The following TTN variants were observed in gnomAD, a reference collection of about 807,000 sequenced individuals.
The protein encoded by TTN is titin.
TTN carries 1,525 observed loss-of-function variants against 3,223.0 expected under a neutral mutation model. That is an observed-to-expected ratio of 0.47 (90% CI 0.45 to 0.49). TTN has a LOEUF of 0.49. TTN is among the 20% of genes least tolerant of loss of function. The pLI is 0.00. For missense variants in TTN, 40,786 were observed against 43,424.0 expected, an observed-to-expected ratio of 0.94 and a Z score of 5.40; for synonymous variants, 14,094 against 15,161.0, an observed-to-expected ratio of 0.93 and a Z score of 5.17.
rs746546471 is a variant in TTN, at chr2:178,562,822, A to AG, written c.83309dup (p.Val27771CysfsTer23). On this transcript the variant is annotated frameshift_variant, in exon 326 of 363. Transcript: ENST00000589042. LOFTEE classifies it high-confidence loss of function. Reference sequence around the variant, plus strand: ...TCACTTCTCTTATGGTCAAATTCACAGGGGCACTTGGTGAGTCAAGAACTC... The same window carrying AG: ...TCACTTCTCTTATGGTCAAATTCACAGGGGGCACTTGGTGAGTCAAGAACTC... 1 of 1,612,988 alleles carries AG rather than the reference A, an allele frequency of 6.2e-7. No homozygotes were observed. The highest frequency in any genetic ancestry group is 1.7e-5 in the Admixed American group (1 of 59,896).
chr2:178,800,876 A>T (rs778535399), intron 3 of TTN, among the ~76,000 whole-genome samples, 194 bp from the exon 4 acceptor site: 1 of 152,208 alleles, frequency 6.6e-6, no homozygotes, highest in Non-Finnish European at 1.5e-5. Context: ...AGGCTTTCTC[A>T]CCACCATATT....
chr2:178,531,750 A>G lies in TTN; in HGVS notation c.104865T>C (p.Cys34955=). 2 of 1,613,978 alleles carry G rather than the reference A, an allele frequency of 1.2e-6. No homozygotes were observed. Among genetic ancestry groups the G allele is most frequent in the Non-Finnish European group, 1.7e-6 (2 of 1,179,870 alleles). The change falls in exon 358 of 363, where the codon TGT becomes TGC. Residue 34955 remains cysteine, a synonymous_variant. Coordinates refer to ENST00000589042, the MANE Select transcript of TTN (RefSeq NM_001267550.2). Reference sequence around the variant, plus strand: ...TTAAAATAAAACGTGTATTTTGGCCACATGGTACCCTGTGCGAGCGCATTC... The same window carrying G: ...TTAAAATAAAACGTGTATTTTGGCCGCATGGTACCCTGTGCGAGCGCATTC... ...TLRMRSHRVP[C]GQNTRFILNV... is the part of the protein sequence containing the mutation.
In TTN at chr2:178,769,682, T is replaced by C. The variant is rs1287851348; in HGVS notation, c.8899A>G (p.Thr2967Ala). The C allele has an allele frequency of 6.2e-7, 1 of 1,612,856 alleles. No individual in the cohort carries two copies. The highest frequency in any genetic ancestry group is 8.5e-7 in the Non-Finnish European group (1 of 1,179,370). ...ATATATATATTTTTTAACTTACGGG[T>C]GACTGTCAGGGTGGCACTGACTTGG... Reference protein sequence around the residue: ...NDQVSATLTVTPIMITSMLKD... With the variant: ...NDQVSATLTVAPIMITSMLKD... Residue 2967 changes from threonine (T) to alanine (A), a missense_variant, in exon 37 of 363, where the codon ACC becomes GCC. Thr to Ala is a moderately conservative substitution (Grantham distance 58). Transcript: ENST00000589042.
Position 178,535,697 on chromosome 2 carries a change from C to T in TTN, c.100918G>A (p.Gly33640Ser). 6.2e-7 allele frequency: 1 copy of T among 1,613,664 alleles called. No homozygotes were observed. Among genetic ancestry groups the T allele is most frequent in the African/African-American group, 1.3e-5 (1 of 74,966 alleles). ...QKGQDLIDNN[G>S]HYQVIVTRSF... ...CTTGTGACAATAACTTGGTAGTGGC[C>T]ATTATTGTCAATGAGATCTTGTCCT... is the stretch of plus-strand genomic sequence containing the variant. Residue 33640 changes from glycine (G) to serine (S), a missense_variant, in exon 358 of 363, where the codon GGC becomes AGC. By Grantham distance (56) the Gly-to-Ser change is moderately conservative. Coordinates refer to ENST00000589042, the MANE Select transcript of TTN (RefSeq NM_001267550.2).
intron 239 of TTN, 89 bp downstream of exon 239, chr2:178,630,148 TCTAA>T (rs2059620169): frequency 5.2e-6 from 8 of 1,551,882 alleles, no homozygotes; most frequent in Non-Finnish European, 6.2e-6. Context: ...AATAATATTT[TCTAA>T]CTAATAAAAT....
Position 178,574,814 on chromosome 2 carries a change from G to A in TTN, c.71318C>T (p.Thr23773Ile), listed in dbSNP as rs775492043. The A allele has an allele frequency of 1.2e-6, 2 of 1,612,556 alleles. No individual in the cohort carries two copies. The highest frequency in any genetic ancestry group is 1.7e-6 in the Non-Finnish European group (2 of 1,179,274). Residue 23773 changes from threonine to isoleucine, a missense_variant, in exon 326 of 363, where the codon ACC (threonine) becomes ATC (isoleucine). Physicochemically the swap from Thr to Ile is moderately conservative, Grantham distance 89. Coordinates refer to ENST00000589042, the MANE Select transcript of TTN (RefSeq NM_001267550.2). ...VVEMRQTDST[T>I]WVELATTVIR... is the part of the protein sequence containing the mutation. The stretch of plus-strand genomic sequence containing the variant: ...AACGGTGGTTGCTAACTCAACCCAG[G>A]TAGTACTGTCAGTCTGCCGCATTTC...
Position 178,718,711 on chromosome 2 carries a change from T to C in TTN, c.24489A>G (p.Thr8163=), listed in dbSNP as rs764738052. 6.2e-7 allele frequency: 1 copy of C among 1,613,576 alleles called. No homozygotes were observed. The highest frequency in any genetic ancestry group is 1.7e-5 in the Admixed American group (1 of 59,994). Residue 8163 remains threonine, a synonymous_variant, in exon 84 of 363, where the codon ACA becomes ACG. Coordinates refer to ENST00000589042, the MANE Select transcript of TTN (RefSeq NM_001267550.2). ...AGAGCAAACCTTTCACAAAAAGATG[T>C]GTGGTACAGGAAGCACTGCCAGCAT... ...TNDAGSASCT[T]HLFVKEPATF...
chr2:178,559,370 C>G lies in TTN; in HGVS notation c.86762G>C (p.Gly28921Ala). Residue 28921 changes from glycine to alanine, a missense_variant, in exon 326 of 363, where the codon GGA becomes GCA. By Grantham distance (60) the Gly-to-Ala change is moderately conservative. Coordinates refer to ENST00000589042, the MANE Select transcript of TTN (RefSeq NM_001267550.2). The stretch of plus-strand genomic sequence containing the variant: ...TATACCAACACCAAACTCATTTTCT[C>G]CAGAGACTCTGAAGTAATAGATAGC... ...EGAIYYFRVS[G>A]ENEFGVGIPA... is the part of the protein sequence containing the mutation. The G allele has an allele frequency of 6.2e-7, 1 of 1,613,212 alleles. No homozygotes were observed. Among genetic ancestry groups the G allele is most frequent in the Non-Finnish European group, 8.5e-7 (1 of 1,179,410 alleles).
intron 92 of TTN, 59 bp downstream of exon 92, chr2:178,713,838 T>C (rs2077063793): frequency 6.4e-7 from 1 of 1,573,178 alleles, no homozygotes; most frequent in Non-Finnish European, 8.6e-7. Context: ...TATACATTTA[T>C]GAAAATCAGG....
In TTN at chr2:178,608,830, A is replaced by G. The variant is rs727503616; in HGVS notation, c.52181T>C (p.Leu17394Pro). 1.2e-6 allele frequency: 2 copies of G among 1,612,350 alleles called. No homozygotes were observed. Among genetic ancestry groups the G allele is most frequent in the African/African-American group, 2.7e-5 (2 of 74,824 alleles). ...TATGATTTCACTGCCACCATCATCA[A>G]GGGGTGGTTCCCATTTACAAAGGAC... ...TSVLCKWEPP[L>P]DDGGSEIINY... Residue 17394 changes from leucine (L) to proline (P), a missense_variant, in exon 274 of 363, where the codon CTT (leucine) becomes CCT (proline). By Grantham distance (98) the Leu-to-Pro change is moderately conservative. Coordinates refer to ENST00000589042, the MANE Select transcript of TTN (RefSeq NM_001267550.2).
intron 40 of TTN, 61 bp downstream of exon 40, chr2:178,767,698 A>G: frequency 6.3e-7 from 1 of 1,596,204 alleles, no homozygotes; most frequent in Non-Finnish European, 8.5e-7. Flanking sequence ...ACATTAAAAT[A>G]TAAAATGATA....
chr2:178,800,410 C>G lies in TTN; in HGVS notation c.568G>C (p.Glu190Gln). 1 of 1,614,134 alleles carries G rather than the reference C, an allele frequency of 6.2e-7. No homozygotes were observed. Among genetic ancestry groups the G allele is most frequent in the South Asian group, 1.1e-5 (1 of 91,068 alleles). ...CAGCACGTACCTTGAACCAGTAATT[C>G]AGCAGTCGAAGTAGCTCTTCCAACG... Reference protein sequence around the residue: ...NSVGRATSTAELLVQGEEEVP... With the variant: ...NSVGRATSTAQLLVQGEEEVP... The change falls in exon 4 of 363, where the codon GAA becomes CAA. Residue 190 changes from glutamate (E) to glutamine (Q), a missense_variant. Coordinates refer to ENST00000589042, the MANE Select transcript of TTN (RefSeq NM_001267550.2).
intron 90 of TTN, 33 bp downstream of exon 90, chr2:178,714,953 G>A (rs2077247342): frequency 6.3e-7 from 1 of 1,576,786 alleles, no homozygotes; most frequent in Non-Finnish European, 8.6e-7. Flanking sequence ...TAGAAGGGAA[G>A]TAGTGAGCAG....
In TTN at chr2:178,604,326, A is replaced by G. The variant is rs759168784; in HGVS notation, c.54382-21T>C. 2.8e-6 allele frequency: 4 copies of G among 1,428,882 alleles called. No individual in the cohort carries two copies. In the Admixed American group the frequency reaches 1.0e-4, roughly 36 times the overall value. 88.5% of individuals were successfully genotyped at this position (1,428,882 alleles called of 1,614,324 possible). A position where few individuals can be genotyped will look rare whatever the true frequency, so the allele number is the denominator to read the frequency against. ...CAGATCTAGAAATTAGAAAAACAGA[A>G]ATTTATTGAAGAGAATATACTTATG... On this transcript the variant is annotated intron_variant, in intron 281 of 362. Transcript: ENST00000589042.
intron 249 of TTN, 45 bp downstream of exon 249, chr2:178,619,943 T>TA (rs1255325202): frequency 1.3e-6 from 2 of 1,594,680 alleles, no homozygotes; most frequent in Non-Finnish European, 1.7e-6. Flanking sequence ...TTAACAATTT[T>TA]AAAAAATTGG....
At chr2:178,788,732 G>A (rs376974177) in intron 13 of TTN, among the ~76,000 whole-genome samples, 1 of 151,936 alleles carries the variant, frequency 6.6e-6, no homozygotes, top group East Asian at 1.9e-4. Flanking sequence ...AAATAGATAC[G>A]GTAATCTTTT....
In TTN at chr2:178,602,371, T is replaced by C; in HGVS notation, c.55031A>G (p.Lys18344Arg). Reference sequence around the variant, plus strand: ...GACAGCTTTCACTCTGAATCTGTACTTCCTGAGCTCTTTCAGATTAGGCAC... The same window carrying C: ...GACAGCTTTCACTCTGAATCTGTACCTCCTGAGCTCTTTCAGATTAGGCAC... ...CVVPNLKELR[K>R]YRFRVKAVNE... Residue 18344 changes from lysine to arginine, a missense_variant, in exon 283 of 363, where the codon AAG becomes AGG. Lys to Arg is a conservative substitution (Grantham distance 26). Coordinates refer to ENST00000589042, the MANE Select transcript of TTN (RefSeq NM_001267550.2). 6.2e-7 allele frequency: 1 copy of C among 1,612,908 alleles called. No homozygotes were observed. The highest frequency in any genetic ancestry group is 8.5e-7 in the Non-Finnish European group (1 of 1,179,312).
rs72647871 is a variant in TTN at position 178,780,237 on chromosome 2, T to C, written c.3524-32A>G. 3.4e-3 allele frequency: 5,352 copies of C among 1,575,072 alleles called. 13 individuals carry two copies. The highest frequency in any genetic ancestry group is 4.2e-3 in the Non-Finnish European group (4,774 of 1,145,114). On this transcript the variant is annotated intron_variant, in intron 21 of 362. Transcript: ENST00000589042. ...GTTAAGAACATCAGTTAATTTTTAA[T>C]GCTCTTATTAGAAAACAGTCATACC...
rs940553223 is a variant in TTN at position 178,782,555 on chromosome 2, T to C, written c.3148A>G (p.Thr1050Ala). 8 of 1,613,910 alleles carry C rather than the reference T, an allele frequency of 5.0e-6. No homozygotes were observed. The African/African-American group carries it at 9.3e-5, about 19-fold the overall frequency. The change falls in exon 19 of 363, where the codon ACT becomes GCT. Residue 1050 changes from threonine to alanine, a missense_variant. Transcript: ENST00000589042. ...KETTAVTEKF[T>A]TEEKRFVESR... Reference sequence around the variant, plus strand: ...ATATTTTACCGTTTCTCTTCTGTAGTAAATTTCTCAGTCACGGCTGTGGTT... The same window carrying C: ...ATATTTTACCGTTTCTCTTCTGTAGCAAATTTCTCAGTCACGGCTGTGGTT...
Sources: allele counts gnomAD v4.1 joint callset (sites outside exome capture counted in the v4.1 genomes callset), GRCh38; gene constraint gnomAD v4.1.1; transcripts MANE v1.5; gene names NCBI Gene and HGNC (gene_info 2026-07-23, HGNC 2026-07-21).